AKR1B15: variants seen among roughly 807,000 people sequenced by gnomAD.
AKR1B15 encodes estradiol 17-beta-dehydrogenase AKR1B15.
Under a neutral mutation model 38.5 loss-of-function variants are expected in AKR1B15, and 49 were observed. The ratio of observed to expected loss-of-function variants is 1.27; its 90% confidence interval spans 1.01 to 1.62. The LOEUF (loss-of-function observed/expected upper bound fraction) is 1.62. Ranked by LOEUF, AKR1B15 falls within the 40% of genes most tolerant of loss-of-function variation. The pLI is 0.00. For missense variants in AKR1B15, 411 were observed against 381.6 expected (o/e 1.08, Z -0.64); for synonymous variants, 137 against 135.5 (o/e 1.01, Z -0.08).
chr7:134,549,272 T>A (rs1793882703), intron 1 of AKR1B15, 23 bp downstream of exon 1: 1 of 152,358 alleles, frequency 6.6e-6, no homozygotes, highest in South Asian at 2.1e-4. Flanking sequence ...TGACTCTGTC[T>A]CTCTGGGAGG....
rs145392670 is a variant in AKR1B15, at chr7:134,564,707, C to A, written c.88C>A (p.Leu30Ile). 19 of 697,944 alleles carry A rather than the reference C, an allele frequency of 2.7e-5. No individual in the cohort carries two copies. In the African/African-American group the frequency reaches 3.3e-4, roughly 12 times the overall value. The allele number at this position is 697,944 out of a possible 1,614,324, so 43.2% of individuals were successfully genotyped here. The part of the protein sequence containing the change: ...LDQPVGPLTG[L>I]KSSLLKDTTS... ...CCAACCCGTTGGCCCTTTGACTGGC[C>A]TAAAGAGTTCCCTTCTGAAGGACAC... Residue 30 changes from leucine to isoleucine, a missense_variant, in exon 3 of 12, where the codon CTA becomes ATA. By Grantham distance (5) the Leu-to-Ile change is conservative. Coordinates refer to ENST00000457545, the MANE Select transcript of AKR1B15 (RefSeq NM_001080538.3).
chr7:134,575,314 G>T, intron 6 of AKR1B15, 106 bp from the exon 7 acceptor site: 2 of 1,496,816 alleles, frequency 1.3e-6, no homozygotes, highest in East Asian at 2.3e-5. Context: ...AGCTAACTCT[G>T]TTGCGGTGGA....
rs1257463451 is a variant in AKR1B15, at chr7:134,577,790, A to T, written c.992+4A>T. On this transcript the variant is annotated splice_donor_region_variant and intron_variant, in intron 11 of 11. Transcript: ENST00000457545. ...GGAGGGCCTTTGACTTCAAGGAGTA[A>T]GTGGCATGGAGTTAACTAGAAGAAT... 1 of 1,613,560 alleles carries T rather than the reference A, an allele frequency of 6.2e-7. No homozygotes were observed. Among genetic ancestry groups the T allele is most frequent in the Non-Finnish European group, 8.5e-7 (1 of 1,179,814 alleles).
At chr7:134,569,282 T>TCTTA in intron 4 of AKR1B15, 131 bp from the exon 5 acceptor site, 1 of 1,032,998 alleles carries the variant, frequency 9.7e-7, no homozygotes, top group East Asian at 2.4e-5. Flanking sequence ...GCATCGTGGA[T>TCTTA]CTTAATCAGC....
chr7:134,572,131 G>A (rs1794681441), intron 6 of AKR1B15, among the ~76,000 whole-genome samples: 1 of 152,120 alleles, frequency 6.6e-6, no homozygotes, highest in African/African-American at 2.4e-5. Context: ...TACGTGCCGG[G>A]AACATCAGTC....
chr7:134,573,667 G>A (rs1392885252), intron 6 of AKR1B15: 1 of 456,912 alleles, frequency 2.2e-6, no homozygotes, highest in African/African-American at 2.1e-5. Context: ...CCTGACCTAT[G>A]ATGCACAAAA....
At chr7:134,564,545 C>T in intron 2 of AKR1B15, 53 bp from the exon 3 acceptor site, 1 of 619,990 alleles carries the variant, frequency 1.6e-6, no homozygotes, top group South Asian at 1.9e-5. Context: ...CTTGCTATTA[C>T]TCACCTTTGG....
At chr7:134,562,671 C>A (rs1234031678) in intron 2 of AKR1B15, among the ~76,000 whole-genome samples, 1 of 152,016 alleles carries the variant, frequency 6.6e-6, no homozygotes, top group Non-Finnish European at 1.5e-5. Flanking sequence ...TTCTCCGAGT[C>A]CCCACCCAAC....
rs573040477 is a variant in AKR1B15 at position 134,576,450 on chromosome 7, C to T, written c.825+20C>T. 1 of 1,612,608 alleles carries T rather than the reference C, an allele frequency of 6.2e-7. No homozygotes were observed. Among genetic ancestry groups the T allele is most frequent in the East Asian group, 2.2e-5 (1 of 44,762 alleles). ...GCCCAGGTACCATATTTTTATTTTT[C>T]TTGTTATCCAACCACTCATGCTTCC... On this transcript the variant is annotated intron_variant, in intron 9 of 11. Coordinates refer to ENST00000457545, the MANE Select transcript of AKR1B15 (RefSeq NM_001080538.3).
At chr7:134,562,832 C>CTCTTTT (rs1794436667) in intron 2 of AKR1B15, among the ~76,000 whole-genome samples, 1 of 122,600 alleles carries the variant, frequency 8.2e-6, no homozygotes, top group East Asian at 2.6e-4. Flanking sequence ...TCCTTCCTTT[C>CTCTTTT]TCTTTCTTTC....
chr7:134,565,640 G>A (rs765904218), intron 3 of AKR1B15: 44 of 1,554,758 alleles, frequency 2.8e-5, no homozygotes, highest in Non-Finnish European at 3.5e-5. Context: ...TGGAGGTCGG[G>A]TAGGGGTTTG....
Position 134,571,697 on chromosome 7 carries a change from G to C in AKR1B15, c.513+16G>C, listed in dbSNP as rs1794671192. 1 of 1,602,142 alleles carries C rather than the reference G, an allele frequency of 6.2e-7. No homozygotes were observed. The highest frequency in any genetic ancestry group is 8.5e-7 in the Non-Finnish European group (1 of 1,170,492). ...TGCCTGGGAGGTAGGTTCCAGCTTT[G>C]TCTAAGTGTGCTGGGAGAGAAATCC... On this transcript the variant is annotated intron_variant, in intron 6 of 11. Coordinates refer to ENST00000457545, the MANE Select transcript of AKR1B15 (RefSeq NM_001080538.3).
At chr7:134,576,469 T>C in intron 9 of AKR1B15, 39 bp downstream of exon 9, 2 of 1,604,112 alleles carry the variant, frequency 1.2e-6, no homozygotes, top group East Asian at 2.2e-5. Context: ...CAACCACTCA[T>C]GCTTCCAGTC....
chr7:134,557,649 TTATTTTCTTATTACTGTTTCTG>T (rs1794246069), intron 2 of AKR1B15, among the ~76,000 whole-genome samples: 2 of 131,422 alleles, frequency 1.5e-5, no homozygotes. Flanking sequence ...CTGGAACTGT[TTATTTTCTTATTACTGTTTCTG>T]TAACCATTTA....
At chr7:134,561,670 ACT>A (rs1347948139) in intron 2 of AKR1B15, among the ~76,000 whole-genome samples, 1 of 152,068 alleles carries the variant, frequency 6.6e-6, no homozygotes, top group Non-Finnish European at 1.5e-5. Flanking sequence ...ACCAAAGCCA[ACT>A]CATCAACAAG....
intron 1 of AKR1B15, among the ~76,000 whole-genome samples, chr7:134,552,948 G>A (rs779609010): frequency 2.6e-5 from 4 of 152,034 alleles, no homozygotes; most frequent in Admixed American, 1.3e-4. Flanking sequence ...GTATGTAGAC[G>A]ACCTGTTATT....
chr7:134,560,857 G>A (rs1294352963), intron 2 of AKR1B15, among the ~76,000 whole-genome samples: 2 of 152,204 alleles, frequency 1.3e-5, no homozygotes, highest in Non-Finnish European at 2.9e-5. Context: ...CTGAACAACT[G>A]CCTGTCCAAC....
chr7:134,564,661 C>G lies in AKR1B15; in HGVS notation c.42C>G (p.Asn14Lys), dbSNP rs1211775458. ...QMEPQVNSTN[N>K]FHQGPLDQPV... is the part of the protein sequence containing the mutation. ...AACCCCAAGTGAACTCAACTAACAA[C>G]TTCCACCAAGGACCCCTGGACCAAC... is the stretch of plus-strand genomic sequence containing the variant. Residue 14 changes from asparagine to lysine, a missense_variant, in exon 3 of 12, where the codon AAC becomes AAG. Transcript: ENST00000457545. 4 of 699,104 alleles carry G rather than the reference C, an allele frequency of 5.7e-6. No individual in the cohort carries two copies. Among genetic ancestry groups the G allele is most frequent in the East Asian group, 5.4e-5 (2 of 37,266 alleles). 43.3% of individuals were successfully genotyped at this position (699,104 alleles called of 1,614,324 possible).
At chr7:134,549,922 G>A (rs2117580627) in intron 1 of AKR1B15, among the ~76,000 whole-genome samples, 1 of 152,242 alleles carries the variant, frequency 6.6e-6, no homozygotes, top group South Asian at 2.1e-4. Flanking sequence ...TCATTAGTCG[G>A]TTGGGCTGGC....
Sources: allele counts gnomAD v4.1 joint callset (sites outside exome capture counted in the v4.1 genomes callset), GRCh38; gene constraint gnomAD v4.1.1; transcripts MANE v1.5; gene names NCBI Gene and HGNC (gene_info 2026-07-23, HGNC 2026-07-21).